CHIC2: variants seen among roughly 807,000 people sequenced by gnomAD.
CHIC2 encodes the protein cysteine-rich hydrophobic domain-containing protein 2.
CHIC2 carries 14 observed loss-of-function variants against 25.9 expected under a neutral mutation model. The ratio of observed to expected loss-of-function variants is 0.54; its 90% CI spans 0.36 to 0.85. The LOEUF is 0.85. Among genes scored for constraint, CHIC2 ranks in the 40% least tolerant of loss-of-function variants. The pLI, the probability that CHIC2 is intolerant of heterozygous loss-of-function variation, is 0.01. For missense variants in CHIC2, 146 were observed against 202.0 expected, an observed-to-expected ratio of 0.72 and a Z score of 1.68; for synonymous variants, 70 against 72.0, an observed-to-expected ratio of 0.97 and a Z score of 0.14.
chr4:54,043,904 A>G (rs1444763573), intron 3 of CHIC2, among the ~76,000 whole-genome samples: 2 of 152,220 alleles, frequency 1.3e-5, no homozygotes, highest in Admixed American at 6.5e-5. Flanking sequence ...GTATTCAGGA[A>G]ACACATCTCA....
rs1036289273 is a variant in CHIC2 at position 54,048,895 on chromosome 4, T to C, written c.330+60A>G. Reference sequence around the variant, plus strand: ...TTCAATACAAAAAATAAAAACTAGATAAATGCAAGACTTGCTTGTCCACTT... The same window carrying C: ...TTCAATACAAAAAATAAAAACTAGACAAATGCAAGACTTGCTTGTCCACTT... On this transcript the variant is annotated intron_variant, in intron 3 of 5. Transcript: ENST00000263921. The C allele has an allele frequency of 4.4e-6, 6 of 1,349,660 alleles. No individual in the cohort carries two copies. The Admixed American group carries it at 1.8e-4, about 40-fold the overall frequency. The allele number at this position is 1,349,660 out of a possible 1,614,324, so 83.6% of individuals were successfully genotyped here.
intron 3 of CHIC2, among the ~76,000 whole-genome samples, chr4:54,018,122 A>C (rs920757582): frequency 6.6e-5 from 10 of 152,154 alleles, no homozygotes; most frequent in African/African-American, 2.4e-4. Context: ...CGGAAAGAGA[A>C]CTAAAAGGGC....
chr4:54,071,642 C>G, the CHIC2 span, among the ~76,000 whole-genome samples: 3 of 152,188 alleles, frequency 2.0e-5, no homozygotes, highest in Non-Finnish European at 4.4e-5. Context: ...GTCTTCCTAA[C>G]ACCTACAACA....
intron 3 of CHIC2, among the ~76,000 whole-genome samples, chr4:54,031,825 G>C (rs752105999): frequency 2.6e-4 from 39 of 151,920 alleles, no homozygotes; most frequent in Non-Finnish European, 5.1e-4. Context: ...TCACCATGTT[G>C]GCCAGGCTGG....
chr4:54,058,549 T>TACACACACAC (rs35335887), intron 1 of CHIC2, among the ~76,000 whole-genome samples: 1 of 126,924 alleles, frequency 7.9e-6, no homozygotes, highest in Non-Finnish European at 1.7e-5. Flanking sequence ...CATACACACA[T>TACACACACAC]ACACACACAT....
the CHIC2 span, among the ~76,000 whole-genome samples, chr4:54,090,242 A>C: frequency 6.6e-6 from 1 of 152,078 alleles, no homozygotes; most frequent in African/African-American, 2.4e-5. Context: ...GCTGAAGTGC[A>C]GTGGTGCAAT....
rs959416222 is a variant in CHIC2 at position 54,026,084 on chromosome 4, G to C, written c.331-11965C>G. On this transcript the variant is annotated intron_variant, in intron 3 of 5. Transcript: ENST00000263921. ...CTTGGACTACTTTCTTTTTACATAT[G>C]AAAACTAAAGCTTACAGAGGTGAAG... 5.3e-5 allele frequency among the ~76,000 whole-genome samples: 8 copies of C among 152,120 alleles called. No individual in the cohort carries two copies. In the East Asian group the frequency reaches 1.5e-3, roughly 29 times the overall value.
the CHIC2 span, among the ~76,000 whole-genome samples, chr4:54,082,841 A>G: frequency 1.3e-5 from 2 of 152,284 alleles, no homozygotes; most frequent in East Asian, 3.9e-4. Context: ...CACATAATAT[A>G]TTCAAACTAC....
At chr4:54,091,527 C>G in the CHIC2 span, among the ~76,000 whole-genome samples, 6 of 152,168 alleles carry the variant, frequency 3.9e-5, no homozygotes, top group Non-Finnish European at 7.4e-5. Context: ...CCCATGCTCC[C>G]AAACACGCTT....
the CHIC2 span, among the ~76,000 whole-genome samples, chr4:54,089,935 T>C: frequency 1.1e-3 from 162 of 152,304 alleles, no homozygotes; most frequent in South Asian, 4.1e-4. Flanking sequence ...TTAAAACATA[T>C]TGCTTCATGC....
At chr4:54,035,248 C>T (rs1410709828) in intron 3 of CHIC2, among the ~76,000 whole-genome samples, 1 of 152,064 alleles carries the variant, frequency 6.6e-6, no homozygotes, top group Non-Finnish European at 1.5e-5. Flanking sequence ...TAACGATGGC[C>T]TCATAAAGTG....
intron 3 of CHIC2, among the ~76,000 whole-genome samples, chr4:54,044,971 C>T (rs1437416501): frequency 2.0e-5 from 3 of 150,872 alleles, no homozygotes. Flanking sequence ...GGGGATATCA[C>T]CACCGATCCC....
the CHIC2 span, among the ~76,000 whole-genome samples, chr4:54,082,834 A>G: frequency 6.6e-6 from 1 of 152,180 alleles, no homozygotes; most frequent in Non-Finnish European, 1.5e-5. Flanking sequence ...AATATATCAC[A>G]TAATATATTC....
the CHIC2 span, among the ~76,000 whole-genome samples, chr4:54,078,935 A>C: frequency 6.6e-6 from 1 of 151,678 alleles, no homozygotes; most frequent in Admixed American, 6.6e-5. Flanking sequence ...CCCCTTACAG[A>C]GCCGGGTGCG....
upstream of CHIC2, among the ~76,000 whole-genome samples, chr4:54,067,920 C>T (rs1717547375): frequency 1.3e-5 from 1 of 77,472 alleles, no homozygotes; most frequent in African/African-American, 3.9e-5. Context: ...TGAATTTTGT[C>T]CCCCCCCCCA....
intron 3 of CHIC2, among the ~76,000 whole-genome samples, chr4:54,016,116 G>C (rs1715730496): frequency 6.6e-6 from 1 of 152,070 alleles, no homozygotes; most frequent in Non-Finnish European, 1.5e-5. Flanking sequence ...GATGATTTTG[G>C]GGGTGGGTGG....
intron 3 of CHIC2, among the ~76,000 whole-genome samples, chr4:54,022,854 T>C (rs1256643605): frequency 3.9e-5 from 6 of 152,190 alleles, no homozygotes; most frequent in South Asian, 2.1e-4. Flanking sequence ...TGTTACAGCA[T>C]GGCCTTTTAA....
chr4:54,079,959 T>C, the CHIC2 span, among the ~76,000 whole-genome samples: 2 of 151,806 alleles, frequency 1.3e-5, no homozygotes, highest in Non-Finnish European at 2.9e-5. Context: ...AAATTAAAAA[T>C]AGAACTCCTA....
rs151324291 is a variant in CHIC2, at chr4:54,057,535, A to C, written c.119+6647T>G. 5.3e-5 allele frequency among the ~76,000 whole-genome samples: 8 copies of C among 152,152 alleles called. No homozygotes were observed. The East Asian group carries it at 9.7e-4, about 18-fold the overall frequency. On this transcript the variant is annotated intron_variant, in intron 1 of 5. Transcript: ENST00000263921. ...TTCCTCAGAGAGGTTCTTCCTAATC[A>C]CATTATTTTCAATCACAGGATCTCA...
Sources: gnomAD v4.1 joint callset for allele counts (sites outside exome capture counted in the v4.1 genomes callset) on GRCh38, gnomAD v4.1.1 for gene constraint, MANE v1.5 for transcripts, NCBI Gene and HGNC (gene_info 2026-07-23, HGNC 2026-07-21) for gene names.